TTLL5: variants seen among roughly 807,000 people sequenced by gnomAD.
TTLL5 encodes tubulin polyglutamylase TTLL5.
Under a neutral mutation model 168.4 loss-of-function variants are expected in TTLL5, and 132 were observed. The observed-to-expected ratio is 0.78, with a 90% confidence interval of 0.68 to 0.91. The LOEUF is 0.91. Ranked by LOEUF, TTLL5 falls within the 40% of genes least tolerant of loss-of-function variation. TTLL5 has a pLI of 0.00. For synonymous variants in TTLL5, 546 were observed against 558.6 expected (o/e 0.98, Z 0.32); for missense variants, 1,545 against 1,581.5 (o/e 0.98, Z 0.39).
chr14:75,712,355 C>G (rs1205172994), intron 9 of TTLL5: 1 of 150,604 alleles, frequency 6.6e-6, no homozygotes, highest in Non-Finnish European at 1.5e-5. Context: ...GGCTGGCCTT[C>G]TCTTTTCTTG....
chr14:75,853,384 A>AT (rs1595152634), intron 28 of TTLL5, among the ~76,000 whole-genome samples: 1 of 151,974 alleles, frequency 6.6e-6, no homozygotes, highest in Admixed American at 6.6e-5. Flanking sequence ...TATTCCTGAC[A>AT]TTTTTTCACC....
At chr14:75,842,271 C>G (rs1896300938) in intron 28 of TTLL5, among the ~76,000 whole-genome samples, 1 of 152,180 alleles carries the variant, frequency 6.6e-6, no homozygotes, top group Non-Finnish European at 1.5e-5. Flanking sequence ...ATACCATTGA[C>G]CTTTCTGTCT....
chr14:75,871,451 C>T (rs2031026485), intron 29 of TTLL5, among the ~76,000 whole-genome samples: 1 of 152,162 alleles, frequency 6.6e-6, no homozygotes, highest in Middle Eastern at 3.2e-3. Flanking sequence ...CCGTCCTCCC[C>T]CACGACAGAA....
At chr14:75,927,335 T>C (rs2034107773) in intron 31 of TTLL5, among the ~76,000 whole-genome samples, 2 of 152,236 alleles carry the variant, frequency 1.3e-5, no homozygotes, top group African/African-American at 2.4e-5. Flanking sequence ...TAGTAGGTCT[T>C]ATTCTATTTA....
intron 29 of TTLL5, among the ~76,000 whole-genome samples, chr14:75,875,482 C>G (rs1051640424): frequency 6.6e-6 from 1 of 150,488 alleles, no homozygotes; most frequent in Non-Finnish European, 1.5e-5. Flanking sequence ...TCGGAGGTTG[C>G]AGTGAGCCGA....
At position 75,742,260 on chromosome 14, in the gene TTLL5, T is replaced by C. The variant is rs367910354; in HGVS notation, c.1282-2835T>C. Among the ~76,000 whole-genome samples the C allele has an allele frequency of 1.5e-4, 23 of 152,332 alleles. 1 individual carries two copies. The South Asian group carries it at 3.5e-3, about 23-fold the overall frequency. On this transcript the variant is annotated intron_variant, in intron 15 of 31. Coordinates refer to ENST00000298832, the MANE Select transcript of TTLL5 (RefSeq NM_015072.5). ...TGAATGTTTGTTTCTTACTCTCTCT[T>C]TACGTAATTTGAGATTTGAGGCTGT...
At chr14:75,760,954 CACTG>C (rs1039743612) in intron 18 of TTLL5, among the ~76,000 whole-genome samples, 4 of 152,012 alleles carry the variant, frequency 2.6e-5, no homozygotes, top group Admixed American at 6.6e-5. Flanking sequence ...TTTGGCAAGC[CACTG>C]ACTGAGTGGA....
intron 28 of TTLL5, among the ~76,000 whole-genome samples, chr14:75,860,541 T>C (rs1205500896): frequency 6.6e-6 from 1 of 152,232 alleles, no homozygotes; most frequent in Non-Finnish European, 1.5e-5. Context: ...GTTGATGGGC[T>C]TTCTGAACTT....
intron 31 of TTLL5, among the ~76,000 whole-genome samples, chr14:75,905,134 TAA>T (rs759881649): frequency 4.6e-5 from 7 of 152,170 alleles, no homozygotes; most frequent in Non-Finnish European, 8.8e-5. Flanking sequence ...ACAACTCTCA[TAA>T]TAAGTCTAAA....
intron 28 of TTLL5, among the ~76,000 whole-genome samples, chr14:75,846,574 T>G (rs1020180496): frequency 6.6e-6 from 1 of 152,076 alleles, no homozygotes; most frequent in Non-Finnish European, 1.5e-5. Flanking sequence ...GCGGATCACC[T>G]GAGATCGGGA....
chr14:75,776,560 G>A (rs1891734493), intron 22 of TTLL5, 187 bp from the exon 23 acceptor site: 1 of 478,952 alleles, frequency 2.1e-6, no homozygotes, highest in Non-Finnish European at 3.7e-6. Context: ...ATTTCAAAAT[G>A]TTTTACAAAA....
rs183847290 is a variant in TTLL5, at chr14:75,766,668, A to G, written c.2015+300A>G. 1.4e-3 allele frequency among the ~76,000 whole-genome samples: 219 copies of G among 152,302 alleles called. 2 individuals carry two copies. Among genetic ancestry groups the G allele is most frequent in the Non-Finnish European group, 1.9e-4 (13 of 68,030 alleles). On this transcript the variant is annotated intron_variant, in intron 20 of 31. Transcript: ENST00000298832. ...CTCAAGCAGCTCGTCGTTTAGTATCAGAGACAGAGAGCTCAGGCCATGGCC... is the reference window on the plus strand; with the variant it reads ...CTCAAGCAGCTCGTCGTTTAGTATCGGAGACAGAGAGCTCAGGCCATGGCC...
rs144846763 is a variant in TTLL5 at position 75,770,855 on chromosome 14, C to G, written c.2016-879C>G. On this transcript the variant is annotated intron_variant, in intron 20 of 31. Coordinates refer to ENST00000298832, the MANE Select transcript of TTLL5 (RefSeq NM_015072.5). ...AACTCTGTTGGACCTCCCTCATTTG[C>G]TCTGGGCTCCAGCCATTCCATCTTG... 8.7e-3 allele frequency among the ~76,000 whole-genome samples: 1,326 copies of G among 152,310 alleles called. 17 individuals carry two copies. Among genetic ancestry groups the G allele is most frequent in the African/African-American group, 0.03 (1,230 of 41,562 alleles).
rs531984465 is a variant in TTLL5, at chr14:75,902,274, T to C, written c.3823+50T>C. On this transcript the variant is annotated intron_variant, in intron 31 of 31. Transcript: ENST00000298832. Reference sequence around the variant, plus strand: ...AACTGGATAGATGACAGGGAAGGTGTTGGGCTTGGCACATTCTCTCTTCTG... The same window carrying C: ...AACTGGATAGATGACAGGGAAGGTGCTGGGCTTGGCACATTCTCTCTTCTG... 3.1e-5 allele frequency: 50 copies of C among 1,588,390 alleles called. No homozygotes were observed. The South Asian group carries it at 4.2e-4, about 13-fold the overall frequency.
chr14:75,758,905 G>A (rs905086662), intron 18 of TTLL5, among the ~76,000 whole-genome samples: 1 of 152,096 alleles, frequency 6.6e-6, no homozygotes, highest in African/African-American at 2.4e-5. Flanking sequence ...GAAATTATAA[G>A]TTTAAATGCT....
chr14:75,801,059 C>G (rs1269445375), intron 27 of TTLL5, among the ~76,000 whole-genome samples: 1 of 152,062 alleles, frequency 6.6e-6, no homozygotes, highest in Non-Finnish European at 1.5e-5. Flanking sequence ...TTGAGTGTCT[C>G]AGGTGGTGGG....
Position 75,865,201 on chromosome 14 carries a change from A to G in TTLL5, c.3522+1339A>G, listed in dbSNP as rs752126777. Among the ~76,000 whole-genome samples the G allele has an allele frequency of 7.2e-5, 11 of 151,936 alleles. 1 individual carries two copies. Among genetic ancestry groups the G allele is most frequent in the African/African-American group, 1.2e-4 (5 of 41,400 alleles). Reference sequence around the variant, plus strand: ...TAGAAAATCTTGAGGTCTTGAGGATAGTAGACACATTTAAGCCAGTTTGCA... The same window carrying G: ...TAGAAAATCTTGAGGTCTTGAGGATGGTAGACACATTTAAGCCAGTTTGCA... On this transcript the variant is annotated intron_variant, in intron 29 of 31. Coordinates refer to ENST00000298832, the MANE Select transcript of TTLL5 (RefSeq NM_015072.5).
chr14:75,707,544 C>T, intron 8 of TTLL5, 79 bp from the exon 9 acceptor site: 1 of 1,271,242 alleles, frequency 7.9e-7, no homozygotes. Flanking sequence ...TTTCATGTTT[C>T]TTGGTTTCGT....
intron 7 of TTLL5, among the ~76,000 whole-genome samples, chr14:75,705,121 A>G (rs373330975): frequency 1.5e-4 from 23 of 152,358 alleles, no homozygotes; most frequent in African/African-American, 5.0e-4. Flanking sequence ...TGGAGATAGT[A>G]CTTACGAGAA....
Sources: gnomAD v4.1 joint callset for allele counts (sites outside exome capture counted in the v4.1 genomes callset) on GRCh38, gnomAD v4.1.1 for gene constraint, MANE v1.5 for transcripts, NCBI Gene and HGNC (gene_info 2026-07-23, HGNC 2026-07-21) for gene names.